The following CACNA2D1 variants were observed in gnomAD, a reference collection of about 807,000 sequenced individuals.
The protein encoded by CACNA2D1 is calcium voltage-gated channel auxiliary subunit alpha2delta 1.
In CACNA2D1, 53 loss-of-function variants were observed where a neutral mutation model predicts 171.5. The ratio of observed to expected loss-of-function variants is 0.31; its 90% CI spans 0.25 to 0.39. The LOEUF is 0.39. CACNA2D1 is among the 10% of genes least tolerant of loss of function. The pLI is 1.00. For missense variants in CACNA2D1, 903 were observed against 1,299.8 expected, an observed-to-expected ratio of 0.69 and a Z score of 4.69; for synonymous variants, 442 against 443.1, an observed-to-expected ratio of 1.00 and a Z score of 0.03.
chr7:82,347,417 C>T (rs945965964), intron 2 of CACNA2D1, among the ~76,000 whole-genome samples: 3 of 151,920 alleles, frequency 2.0e-5, no homozygotes, highest in Non-Finnish European at 4.4e-5. Flanking sequence ...CTAATTGTAC[C>T]CTGTGAATCC....
chr7:82,281,818 C>T (rs1439402656), intron 3 of CACNA2D1, among the ~76,000 whole-genome samples: 4 of 151,278 alleles, frequency 2.6e-5, no homozygotes, highest in East Asian at 3.9e-4. Flanking sequence ...ATATTTAAAA[C>T]TCTCTGATTC....
rs567139189 is a variant in CACNA2D1 at position 82,342,172 on chromosome 7, C to T, written c.178-6921G>A. Among the ~76,000 whole-genome samples, 9 of 150,594 alleles carry T rather than the reference C, an allele frequency of 6.0e-5. No homozygotes were observed. In the South Asian group the frequency reaches 1.9e-3, roughly 31 times the overall value. ...CTAGCTTTTTGAATTGGGACACTACCTTTGAAATTTTTTATGACTTGATAT... is the reference window on the plus strand; with the variant it reads ...CTAGCTTTTTGAATTGGGACACTACTTTTGAAATTTTTTATGACTTGATAT... On this transcript the variant is annotated intron_variant, in intron 2 of 38. Transcript: ENST00000356860.
intron 7 of CACNA2D1, 102 bp from the exon 8 acceptor site, chr7:82,066,626 C>A (rs182605246): frequency 1.6e-5 from 23 of 1,445,530 alleles, no homozygotes; most frequent in Non-Finnish European, 2.0e-5. Context: ...TACATAATTT[C>A]ACTTACGTAC....
intron 10 of CACNA2D1, among the ~76,000 whole-genome samples, chr7:82,042,909 T>C (rs951681614): frequency 2.0e-5 from 3 of 152,194 alleles, no homozygotes; most frequent in Non-Finnish European, 2.9e-5. Flanking sequence ...TTTCTCTGTA[T>C]CCTAGCTTAA....
chr7:82,387,596 A>T (rs1824554839), intron 1 of CACNA2D1, among the ~76,000 whole-genome samples: 1 of 115,716 alleles, frequency 8.6e-6, no homozygotes, highest in South Asian at 2.5e-4. Flanking sequence ...AACAATGAAC[A>T]GTACCATGAA....
In CACNA2D1 at chr7:82,167,199, A is replaced by T. The variant is rs576337197; in HGVS notation, c.354+3351T>A. Among the ~76,000 whole-genome samples the T allele has an allele frequency of 9.2e-5, 14 of 152,116 alleles. No homozygotes were observed. The South Asian group carries it at 2.9e-3, about 31-fold the overall frequency. On this transcript the variant is annotated intron_variant, in intron 4 of 38. Coordinates refer to ENST00000356860, the MANE Select transcript of CACNA2D1 (RefSeq NM_000722.4). ...ACCTTAAAAGATAAAAGAATTATAA[A>T]GTTTAAAAGAAGGACCTTTTGAAAG...
rs191203988 is a variant in CACNA2D1 at position 82,440,823 on chromosome 7, A to T, written c.95+2542T>A. The stretch of plus-strand genomic sequence containing the variant: ...ACAAATGTAAACACTCTATATTTTT[A>T]AAAAAAAACTTTGAACTACTAATTC... On this transcript the variant is annotated intron_variant, in intron 1 of 38. Coordinates refer to ENST00000356860, the MANE Select transcript of CACNA2D1 (RefSeq NM_000722.4). Among the ~76,000 whole-genome samples, 701 of 145,688 alleles carry T rather than the reference A, an allele frequency of 4.8e-3. 10 individuals carry two copies. Among genetic ancestry groups the T allele is most frequent in the East Asian group, 0.018 (93 of 5,164 alleles).
At chr7:82,162,313 GA>G (rs1362347146) in intron 4 of CACNA2D1, among the ~76,000 whole-genome samples, 6 of 151,890 alleles carry the variant, frequency 4.0e-5, no homozygotes, top group Admixed American at 6.6e-5. Flanking sequence ...TTTAATGTTG[GA>G]AGATACTGGA....
chr7:82,009,192 T>G (rs1172359783), intron 15 of CACNA2D1: 1 of 152,158 alleles, frequency 6.6e-6, no homozygotes, highest in Non-Finnish European at 1.5e-5. Context: ...TTCTCTCTCC[T>G]GCTGCCTGGC....
intron 3 of CACNA2D1, among the ~76,000 whole-genome samples, chr7:82,320,929 T>A (rs376501224): frequency 1.3e-4 from 20 of 148,628 alleles, no homozygotes; most frequent in African/African-American, 4.8e-4. Context: ...AGTTAATGGC[T>A]TATATAAAGC....
intron 3 of CACNA2D1, among the ~76,000 whole-genome samples, chr7:82,297,525 T>A (rs936983761): frequency 6.6e-6 from 1 of 152,104 alleles, no homozygotes; most frequent in Non-Finnish European, 1.5e-5. Context: ...ACTAGCAGAG[T>A]CAACATTCCT....
intron 3 of CACNA2D1, among the ~76,000 whole-genome samples, chr7:82,226,310 G>A (rs1278903591): frequency 6.6e-6 from 1 of 152,096 alleles, no homozygotes; most frequent in Non-Finnish European, 1.5e-5. Flanking sequence ...AACTCTGCTG[G>A]GCATTTCACA....
chr7:82,032,989 T>C (rs796449009), intron 11 of CACNA2D1, 88 bp from the exon 12 acceptor site: 8 of 761,386 alleles, frequency 1.1e-5, no homozygotes, highest in African/African-American at 1.0e-4. Flanking sequence ...CATGAGCAGG[T>C]TGCAAGTAAT....
intron 1 of CACNA2D1, among the ~76,000 whole-genome samples, chr7:82,419,109 CAAA>C (rs370697144): frequency 2.0e-5 from 2 of 98,182 alleles, no homozygotes; most frequent in Admixed American, 1.0e-4. Context: ...GACTCCATCT[CAAA>C]AAAAAAAAAA....
intron 1 of CACNA2D1, among the ~76,000 whole-genome samples, chr7:82,360,578 T>C (rs1820983148): frequency 6.6e-6 from 1 of 152,186 alleles, no homozygotes; most frequent in Non-Finnish European, 1.5e-5. Flanking sequence ...ATTTATAACA[T>C]GCAAACAGAC....
At chr7:82,430,417 CAA>C (rs3054724) in intron 1 of CACNA2D1, among the ~76,000 whole-genome samples, 5 of 129,500 alleles carry the variant, frequency 3.9e-5, no homozygotes, top group African/African-American at 1.1e-4. Context: ...GACTCCATCT[CAA>C]AAAAAAAAAA....
At chr7:82,001,767 C>A (rs577870525) in intron 18 of CACNA2D1, 2 of 658,340 alleles carry the variant, frequency 3.0e-6, no homozygotes, top group South Asian at 1.5e-5. Context: ...AACATAGGTA[C>A]GGGTTCTATC....
chr7:82,197,808 C>CG (rs1407808489), intron 3 of CACNA2D1, among the ~76,000 whole-genome samples: 1 of 114,004 alleles, frequency 8.8e-6, no homozygotes, highest in Non-Finnish European at 2.0e-5. Context: ...TTAAACTATA[C>CG]AAACACACAC....
chr7:82,171,114 T>C (rs913665477), intron 3 of CACNA2D1, among the ~76,000 whole-genome samples: 1 of 152,052 alleles, frequency 6.6e-6, no homozygotes, highest in East Asian at 1.9e-4. Context: ...AGTACATCTT[T>C]AGTAGTTCTT....
Sources: gnomAD v4.1 joint callset for allele counts (sites outside exome capture counted in the v4.1 genomes callset) on GRCh38, gnomAD v4.1.1 for gene constraint, MANE v1.5 for transcripts, NCBI Gene and HGNC (gene_info 2026-07-23, HGNC 2026-07-21) for gene names.